KCNK2: variants seen among roughly 807,000 people sequenced by gnomAD.
The protein encoded by KCNK2 is potassium two pore domain channel subfamily K member 2.
KCNK2 carries 21 observed loss-of-function variants against 40.5 expected under a neutral mutation model. That is an observed-to-expected ratio of 0.52 (90% confidence interval 0.37 to 0.75). KCNK2 has a LOEUF of 0.75. Ranked by LOEUF, KCNK2 falls within the 30% of genes least tolerant of loss-of-function variation. KCNK2 has a pLI of 0.00. For synonymous variants in KCNK2, 191 were observed against 202.2 expected, an observed-to-expected ratio of 0.94 and a Z score of 0.47; for missense variants, 399 against 531.6, an observed-to-expected ratio of 0.75 and a Z score of 2.45.
intron 2 of KCNK2, among the ~76,000 whole-genome samples, chr1:215,120,357 C>T (rs1415631124): frequency 6.6e-6 from 1 of 152,156 alleles, no homozygotes; most frequent in Non-Finnish European, 1.5e-5. Context: ...TATCTTTTCT[C>T]ATCTACAACA....
At chr1:215,072,932 A>C (rs1658806069) in intron 1 of KCNK2, among the ~76,000 whole-genome samples, 1 of 152,186 alleles carries the variant, frequency 6.6e-6, no homozygotes, top group African/African-American at 2.4e-5. Context: ...AATACCGTAG[A>C]ATGTGACCTT....
intron 1 of KCNK2, among the ~76,000 whole-genome samples, chr1:215,037,985 G>T (rs1021675502): frequency 2.0e-5 from 3 of 151,854 alleles, no homozygotes; most frequent in African/African-American, 7.3e-5. Context: ...GAAGGCAGCT[G>T]GTGTGTTCAG....
intron 1 of KCNK2, among the ~76,000 whole-genome samples, chr1:215,037,759 A>G (rs1657436698): frequency 6.6e-6 from 1 of 151,918 alleles, no homozygotes; most frequent in Non-Finnish European, 1.5e-5. Flanking sequence ...TTTTTCCTAT[A>G]ATTCTTAATA....
intron 6 of KCNK2, among the ~76,000 whole-genome samples, chr1:215,211,695 G>C (rs1302937291): frequency 6.6e-6 from 1 of 152,094 alleles, no homozygotes; most frequent in Non-Finnish European, 1.5e-5. Flanking sequence ...GGTGTAGAGA[G>C]AAAATGATTC....
At chr1:215,053,308 C>G (rs1658052236) in intron 1 of KCNK2, among the ~76,000 whole-genome samples, 1 of 151,878 alleles carries the variant, frequency 6.6e-6, no homozygotes, top group Non-Finnish European at 1.5e-5. Context: ...ATGCATCTTC[C>G]CTAGGTATTC....
Position 215,086,658 on chromosome 1 carries a change from G to C in KCNK2, c.337G>C (p.Glu113Gln). ...ISQHSCVNSTELDELIQQIVA... is the reference protein window; with the variant it reads ...ISQHSCVNSTQLDELIQQIVA... Reference sequence around the variant, plus strand: ...CCAACATTCCTGTGTCAATTCGACGGAGCTGGATGAACTCATTCAGGTAAT... The same window carrying C: ...CCAACATTCCTGTGTCAATTCGACGCAGCTGGATGAACTCATTCAGGTAAT... The change falls in exon 2 of 7, where the codon GAG (glutamate) becomes CAG (glutamine). Residue 113 changes from glutamate to glutamine, a missense_variant. Glu to Gln is a conservative substitution (Grantham distance 29). Coordinates refer to ENST00000444842, the MANE Select transcript of KCNK2 (RefSeq NM_001017425.3). 1.2e-6 allele frequency: 2 copies of C among 1,613,852 alleles called. No individual in the cohort carries two copies. The highest frequency in any genetic ancestry group is 1.7e-6 in the Non-Finnish European group (2 of 1,179,780).
intron 2 of KCNK2, among the ~76,000 whole-genome samples, chr1:215,123,971 C>T (rs1189847808): frequency 6.6e-6 from 1 of 152,138 alleles, no homozygotes; most frequent in Non-Finnish European, 1.5e-5. Context: ...TCTTAGTGGT[C>T]TCTATGTAAT....
rs557174782 is a variant in KCNK2, at chr1:215,178,065, G to A, written c.823+5882G>A. ...CTATAATTTCTTTAAACAGTGTTGT[G>A]TAGTTCTTGTAGAGATCCTTCACTT... On this transcript the variant is annotated intron_variant, in intron 5 of 6. Transcript: ENST00000444842. Among the ~76,000 whole-genome samples, 6 of 151,978 alleles carry A rather than the reference G, an allele frequency of 3.9e-5. No homozygotes were observed. In the South Asian group the frequency reaches 1.2e-3, roughly 32 times the overall value.
intron 2 of KCNK2, among the ~76,000 whole-genome samples, chr1:215,106,645 C>T (rs556355635): frequency 6.6e-6 from 1 of 152,024 alleles, no homozygotes; most frequent in African/African-American, 2.4e-5. Flanking sequence ...GAGGACTTAG[C>T]CACAAATTAT....
chr1:215,175,060 A>G (rs953399977), intron 5 of KCNK2, among the ~76,000 whole-genome samples: 1 of 152,176 alleles, frequency 6.6e-6, no homozygotes, highest in Non-Finnish European at 1.5e-5. Flanking sequence ...TTCAAAGGAA[A>G]TGCTTCCAGT....
chr1:215,139,853 G>C (rs899074203), intron 3 of KCNK2, among the ~76,000 whole-genome samples: 52 of 151,908 alleles, frequency 3.4e-4, no homozygotes, highest in Admixed American at 3.2e-3. Context: ...ATATAGATTG[G>C]TCTTTTCTCA....
In KCNK2 at chr1:215,110,604, C is replaced by T. The variant is rs59577923; in HGVS notation, c.358-14029C>T. Among the ~76,000 whole-genome samples, 965 of 152,074 alleles carry T rather than the reference C, an allele frequency of 6.3e-3. 12 individuals carry two copies. Among genetic ancestry groups the T allele is most frequent in the African/African-American group, 0.022 (910 of 41,516 alleles). ...TGTTTATGACAGCATCACATGGTTT[C>T]GACATTTATTTTTGTTTTGTTCTAG... On this transcript the variant is annotated intron_variant, in intron 2 of 6. Coordinates refer to ENST00000444842, the MANE Select transcript of KCNK2 (RefSeq NM_001017425.3).
chr1:215,150,371 A>AT lies in KCNK2; in HGVS notation c.476-18820dup, dbSNP rs755230465. Among the ~76,000 whole-genome samples, 68 of 152,052 alleles carry AT rather than the reference A, an allele frequency of 4.5e-4. 1 individual carries two copies. The highest frequency in any genetic ancestry group is 4.7e-4 in the Non-Finnish European group (32 of 67,966). ...TGTTGCTTGTTTTCACATAGGGTGA[A>AT]TTTTTTTTCTCTGAAAGAGTAATCA... On this transcript the variant is annotated intron_variant, in intron 3 of 6. Transcript: ENST00000444842.
chr1:215,147,136 A>G (rs1662454994), intron 3 of KCNK2, among the ~76,000 whole-genome samples: 1 of 152,168 alleles, frequency 6.6e-6, no homozygotes, highest in Non-Finnish European at 1.5e-5. Flanking sequence ...CCTCATTTGT[A>G]TGGGTCTTCT....
intron 3 of KCNK2, 77 bp from the exon 4 acceptor site, chr1:215,169,122 G>C: frequency 8.6e-7 from 1 of 1,169,184 alleles, no homozygotes; most frequent in Non-Finnish European, 1.2e-6. Flanking sequence ...CAATTTTTTG[G>C]AGTTTCTGAA....
chr1:215,170,426 G>A lies in KCNK2; in HGVS notation c.636+1067G>A, dbSNP rs937070411. Among the ~76,000 whole-genome samples, 3 of 152,174 alleles carry A rather than the reference G, an allele frequency of 2.0e-5. No individual in the cohort carries two copies. In the South Asian group the frequency reaches 6.2e-4, roughly 32 times the overall value. On this transcript the variant is annotated intron_variant, in intron 4 of 6. Transcript: ENST00000444842. ...AATTATGGAAAAAGTAACTGTTCCT[G>A]TTAGAGGGTGGGATTATAAAGGATT...
intron 3 of KCNK2, among the ~76,000 whole-genome samples, chr1:215,140,565 GGTAA>G (rs1446385900): frequency 1.3e-5 from 2 of 152,216 alleles, no homozygotes; most frequent in Non-Finnish European, 1.5e-5. Context: ...GTTAGATAAT[GGTAA>G]GTATTTGTGT....
chr1:215,084,321 G>A (rs976276360), intron 1 of KCNK2, among the ~76,000 whole-genome samples: 7 of 152,078 alleles, frequency 4.6e-5, no homozygotes, highest in African/African-American at 1.7e-4. Context: ...AAGGTAAACA[G>A]TCTTAGTGCT....
At chr1:215,131,421 AATT>A (rs2102589715) in intron 3 of KCNK2, among the ~76,000 whole-genome samples, 1 of 146,944 alleles carries the variant, frequency 6.8e-6, no homozygotes, top group South Asian at 2.1e-4. Flanking sequence ...TATTTTATAT[AATT>A]ATATTATTAT....
Sources: gnomAD v4.1 joint callset for allele counts (sites outside exome capture counted in the v4.1 genomes callset) on GRCh38, gnomAD v4.1.1 for gene constraint, MANE v1.5 for transcripts, NCBI Gene and HGNC (gene_info 2026-07-23, HGNC 2026-07-21) for gene names.